The following PDE7B variants were observed in gnomAD, a reference collection of about 807,000 sequenced individuals.
PDE7B encodes the protein 3',5'-cyclic-AMP phosphodiesterase 7B.
Under a neutral mutation model 56.2 loss-of-function variants are expected in PDE7B, and 29 were observed. That is an observed-to-expected ratio of 0.52 (90% confidence interval 0.38 to 0.70). The LOEUF (loss-of-function observed/expected upper bound fraction) is 0.70. Among genes scored for constraint, PDE7B ranks in the 30% least tolerant of loss-of-function variants. The probability of loss-of-function intolerance (pLI) is 0.00; values close to 1 mark genes in which losing one functional copy is unlikely to be tolerated. For missense variants in PDE7B, 490 were observed against 565.0 expected, an observed-to-expected ratio of 0.87 and a Z score of 1.35; for synonymous variants, 197 against 196.9, an observed-to-expected ratio of 1.00 and a Z score of 0.00.
chr6:136,184,264 C>G (rs1445229428), intron 11 of PDE7B, among the ~76,000 whole-genome samples: 2 of 152,232 alleles, frequency 1.3e-5, no homozygotes, highest in South Asian at 2.1e-4. Flanking sequence ...AGCAAAGTGT[C>G]TGAAACATAA....
At chr6:135,931,396 T>A (rs1774289949) in intron 1 of PDE7B, among the ~76,000 whole-genome samples, 1 of 152,230 alleles carries the variant, frequency 6.6e-6, no homozygotes, top group African/African-American at 2.4e-5. Flanking sequence ...AACAAGATCA[T>A]GTTTTTGAAA....
intron 3 of PDE7B, among the ~76,000 whole-genome samples, chr6:136,123,932 T>C (rs1777979501): frequency 6.6e-6 from 1 of 152,188 alleles, no homozygotes; most frequent in Admixed American, 6.5e-5. Flanking sequence ...TTATCTAACA[T>C]TAATAGCTGG....
At chr6:136,181,191 C>A in intron 10 of PDE7B, 36 bp from the exon 11 acceptor site, 1 of 1,479,324 alleles carries the variant, frequency 6.8e-7, no homozygotes, top group Non-Finnish European at 9.5e-7. Flanking sequence ...GAAAGAACAT[C>A]CTCTCACAAT....
At chr6:136,142,441 G>A (rs1562503970) in intron 3 of PDE7B, among the ~76,000 whole-genome samples, 1 of 152,158 alleles carries the variant, frequency 6.6e-6, no homozygotes, top group Non-Finnish European at 1.5e-5. Context: ...GTTGATTTGG[G>A]GTGGAGAGTT....
At chr6:136,092,653 C>A (rs915609047) in intron 2 of PDE7B, among the ~76,000 whole-genome samples, 2 of 152,032 alleles carry the variant, frequency 1.3e-5, no homozygotes, top group Non-Finnish European at 2.9e-5. Context: ...CCCAGCTACT[C>A]GGGAGGCTGA....
At chr6:136,133,145 G>C (rs913765993) in intron 3 of PDE7B, among the ~76,000 whole-genome samples, 1 of 151,674 alleles carries the variant, frequency 6.6e-6, no homozygotes. Flanking sequence ...CCTTTCTAAA[G>C]CATAAAGCAT....
chr6:136,014,750 A>C (rs969479393), intron 2 of PDE7B, among the ~76,000 whole-genome samples: 1 of 152,196 alleles, frequency 6.6e-6, no homozygotes, highest in Non-Finnish European at 1.5e-5. Flanking sequence ...CATAAAATGA[A>C]ATATTGGTGA....
intron 2 of PDE7B, among the ~76,000 whole-genome samples, chr6:136,103,855 C>A (rs533756268): frequency 6.6e-6 from 1 of 152,204 alleles, no homozygotes; most frequent in Admixed American, 6.5e-5. Flanking sequence ...TGACATACCA[C>A]GACAGGGGCC....
chr6:135,854,304 G>A (rs111728017), intron 1 of PDE7B, among the ~76,000 whole-genome samples: 368 of 152,318 alleles, frequency 2.4e-3, no homozygotes, highest in Non-Finnish European at 4.2e-3. Context: ...ATATTAAAGA[G>A]AAGTGTCAAA....
chr6:135,928,344 G>A (rs1204588064), intron 1 of PDE7B, among the ~76,000 whole-genome samples: 2 of 148,802 alleles, frequency 1.3e-5, no homozygotes, highest in African/African-American at 2.5e-5. Context: ...ACACTCATAT[G>A]TTCATTGCAA....
chr6:135,867,634 G>GT (rs1238535979), intron 1 of PDE7B, among the ~76,000 whole-genome samples: 2 of 152,096 alleles, frequency 1.3e-5, no homozygotes, highest in East Asian at 3.9e-4. Flanking sequence ...CTCTTAAATG[G>GT]TAAGTTTTAT....
chr6:136,005,226 TG>T (rs1370679466), intron 2 of PDE7B, among the ~76,000 whole-genome samples: 2 of 152,206 alleles, frequency 1.3e-5, no homozygotes, highest in Non-Finnish European at 2.9e-5. Flanking sequence ...AAGACTTAAA[TG>T]TTAGACCTAA....
chr6:136,156,170 T>A (rs1583913547), intron 8 of PDE7B: 7 of 311,958 alleles, frequency 2.2e-5, no homozygotes, highest in Admixed American at 2.1e-4. Context: ...CAAGTGTGTG[T>A]GTGTGTGTGT....
chr6:135,998,912 G>C (rs1306631875), intron 2 of PDE7B, among the ~76,000 whole-genome samples: 1 of 152,004 alleles, frequency 6.6e-6, no homozygotes, highest in Non-Finnish European at 1.5e-5. Flanking sequence ...GAGAGTGAGA[G>C]AAAGCAATAT....
intron 8 of PDE7B, among the ~76,000 whole-genome samples, chr6:136,168,148 A>G (rs1028232624): frequency 6.6e-6 from 1 of 152,210 alleles, no homozygotes; most frequent in African/African-American, 2.4e-5. Context: ...GGACACCATC[A>G]TATATTAATA....
intron 2 of PDE7B, among the ~76,000 whole-genome samples, chr6:135,982,920 T>G (rs1456062851): frequency 1.3e-5 from 2 of 152,200 alleles, no homozygotes; most frequent in Admixed American, 1.3e-4. Context: ...TCCCTTAGAC[T>G]CTTCTAACCA....
At chr6:135,980,658 A>G (rs562212416) in intron 2 of PDE7B, among the ~76,000 whole-genome samples, 3 of 152,222 alleles carry the variant, frequency 2.0e-5, no homozygotes, top group African/African-American at 7.2e-5. Context: ...GACGACATTT[A>G]TGCAGCCAAA....
intron 1 of PDE7B, among the ~76,000 whole-genome samples, chr6:135,854,368 T>A (rs1393568886): frequency 6.6e-6 from 1 of 152,186 alleles, no homozygotes; most frequent in Non-Finnish European, 1.5e-5. Flanking sequence ...TAAGAGGTAG[T>A]CTAAGTAGTT....
At chr6:136,102,069 G>A (rs1357201071) in intron 2 of PDE7B, among the ~76,000 whole-genome samples, 2 of 152,146 alleles carry the variant, frequency 1.3e-5, no homozygotes, top group Admixed American at 1.3e-4. Flanking sequence ...TAGAGAGCAA[G>A]GGCTCCCGAG....
Sources: allele counts gnomAD v4.1 joint callset (sites outside exome capture counted in the v4.1 genomes callset), GRCh38; gene constraint gnomAD v4.1.1; transcripts MANE v1.5; gene names NCBI Gene and HGNC (gene_info 2026-07-23, HGNC 2026-07-21).